Variants in NPAS3 observed in about 807,000 individuals in gnomAD.
NPAS3 encodes neuronal PAS domain protein 3.
Under a neutral mutation model 73.1 loss-of-function variants are expected in NPAS3, and 14 were observed. That is an observed-to-expected ratio of 0.19 (90% CI 0.13 to 0.30). The LOEUF is 0.30. Ranked by LOEUF, NPAS3 falls within the 10% of genes least tolerant of loss-of-function variation. NPAS3 has a pLI of 1.00. For synonymous variants in NPAS3, 620 were observed against 541.5 expected, an observed-to-expected ratio of 1.14 and a Z score of -2.01; for missense variants, 1,096 against 1,250.0, an observed-to-expected ratio of 0.88 and a Z score of 1.86.
chr14:33,293,101 C>G (rs926872853), intron 3 of NPAS3, among the ~76,000 whole-genome samples: 2 of 152,178 alleles, frequency 1.3e-5, no homozygotes, highest in Non-Finnish European at 2.9e-5. Flanking sequence ...GCATCTCTTG[C>G]TGGCCACCTG....
chr14:33,509,057 CTT>C (rs35416014), intron 4 of NPAS3, among the ~76,000 whole-genome samples: 7 of 146,298 alleles, frequency 4.8e-5, no homozygotes, highest in African/African-American at 5.0e-5. Context: ...TATCCAACTA[CTT>C]TTTTTTTTTT....
At chr14:33,079,391 T>C (rs1436152145) in intron 2 of NPAS3, among the ~76,000 whole-genome samples, 1 of 146,260 alleles carries the variant, frequency 6.8e-6, no homozygotes, top group Non-Finnish European at 1.5e-5. Flanking sequence ...TGATCTCGGC[T>C]CACTGCAACC....
chr14:32,978,985 C>T (rs965184689), intron 1 of NPAS3, among the ~76,000 whole-genome samples: 1 of 152,188 alleles, frequency 6.6e-6, no homozygotes, highest in African/African-American at 2.4e-5. Flanking sequence ...TCTGGGACAT[C>T]GTAAGGGCTC....
At chr14:33,262,161 C>T (rs1299721346) in intron 3 of NPAS3, among the ~76,000 whole-genome samples, 1 of 152,198 alleles carries the variant, frequency 6.6e-6, no homozygotes, top group African/African-American at 2.4e-5. Context: ...AGCAGGCATG[C>T]AACCCTGATG....
upstream of NPAS3, among the ~76,000 whole-genome samples, chr14:32,935,261 G>A (rs2035660194): frequency 6.6e-6 from 1 of 152,180 alleles, no homozygotes; most frequent in Non-Finnish European, 1.5e-5. Context: ...CCCGAGTAGC[G>A]GAGGAGTTGC....
intron 7 of NPAS3, among the ~76,000 whole-genome samples, chr14:33,754,083 C>A (rs1044948057): frequency 6.6e-6 from 1 of 152,130 alleles, no homozygotes; most frequent in African/African-American, 2.4e-5. Context: ...GAGAAACATC[C>A]TCTTGGAGGT....
At chr14:33,512,765 T>C (rs1341636478) in intron 4 of NPAS3, among the ~76,000 whole-genome samples, 1 of 152,044 alleles carries the variant, frequency 6.6e-6, no homozygotes, top group Non-Finnish European at 1.5e-5. Context: ...TTCTCGTAGA[T>C]GTGGAACTCT....
Position 32,948,723 on chromosome 14 carries a change from T to G in NPAS3, c.50+9357T>G, listed in dbSNP as rs141866490. ...CCTTGCTTTCTGCCCTGATTTTCTT[T>G]AACTGCAACCTTTGTTTTAATATAG... On this transcript the variant is annotated intron_variant, in intron 1 of 11. Coordinates refer to ENST00000356141, the Ensembl canonical transcript of NPAS3. 3.5e-3 allele frequency among the ~76,000 whole-genome samples: 528 copies of G among 152,258 alleles called. 4 individuals carry two copies. The highest frequency in any genetic ancestry group is 0.012 in the African/African-American group (491 of 41,574).
At chr14:33,502,654 C>T (rs17101349) in intron 4 of NPAS3, among the ~76,000 whole-genome samples, 31,761 of 151,768 alleles carry the variant, frequency 0.21, 4,202 homozygotes, top group East Asian at 0.47. Flanking sequence ...TCTTCTTCAA[C>T]GTAATCTTCT....
intron 2 of NPAS3, among the ~76,000 whole-genome samples, chr14:33,135,439 G>T (rs965001146): frequency 3.9e-5 from 6 of 152,094 alleles, no homozygotes; most frequent in Admixed American, 2.6e-4. Flanking sequence ...TAATGGGAAA[G>T]AAATTTTTAT....
At chr14:33,020,788 T>A (rs2039566283) in intron 1 of NPAS3, among the ~76,000 whole-genome samples, 1 of 151,930 alleles carries the variant, frequency 6.6e-6, no homozygotes, top group Non-Finnish European at 1.5e-5. Context: ...GAGATGGAAT[T>A]TTGCTCTTGT....
intron 2 of NPAS3, among the ~76,000 whole-genome samples, chr14:33,074,731 A>G (rs145271880): frequency 6.6e-6 from 1 of 152,276 alleles, no homozygotes; most frequent in East Asian, 1.9e-4. Context: ...TTTCTTTCTT[A>G]AAGGCAGATC....
intron 4 of NPAS3, among the ~76,000 whole-genome samples, chr14:33,378,977 G>T (rs1018219890): frequency 3.9e-5 from 6 of 152,156 alleles, no homozygotes; most frequent in Non-Finnish European, 7.3e-5. Flanking sequence ...AACTTTTTGA[G>T]CACTGACATG....
chr14:33,035,853 C>T (rs530495912), intron 1 of NPAS3, among the ~76,000 whole-genome samples: 7 of 152,186 alleles, frequency 4.6e-5, no homozygotes, highest in East Asian at 1.9e-4. Context: ...TGGAAGTTGC[C>T]GGTGCTCTTT....
chr14:33,211,392 C>T (rs1194555119), intron 2 of NPAS3, among the ~76,000 whole-genome samples: 3 of 152,030 alleles, frequency 2.0e-5, no homozygotes, highest in East Asian at 1.9e-4. Flanking sequence ...ACCAGCCTGG[C>T]CAACATGAAA....
intron 1 of NPAS3, among the ~76,000 whole-genome samples, chr14:32,964,792 T>G (rs1412732734): frequency 2.7e-5 from 4 of 148,760 alleles, no homozygotes; most frequent in Non-Finnish European, 4.4e-5. Context: ...TTGGGCAACA[T>G]AGCAAGACCC....
chr14:33,675,100 G>T (rs538509532), intron 5 of NPAS3, among the ~76,000 whole-genome samples: 1 of 152,188 alleles, frequency 6.6e-6, no homozygotes, highest in East Asian at 1.9e-4. Flanking sequence ...TGAAGCTCTG[G>T]CAGCTTCCAT....
intron 4 of NPAS3, among the ~76,000 whole-genome samples, chr14:33,490,316 G>C (rs1595013477): frequency 6.6e-6 from 1 of 152,096 alleles, no homozygotes; most frequent in Non-Finnish European, 1.5e-5. Flanking sequence ...CACTTGGAGA[G>C]AAAATTGCTA....
chr14:33,324,582 T>C (rs2043606187), intron 3 of NPAS3, among the ~76,000 whole-genome samples: 1 of 152,206 alleles, frequency 6.6e-6, no homozygotes, highest in Admixed American at 6.5e-5. Context: ...TCTACAGGGA[T>C]TGTGTTGTCA....
Sources: gnomAD v4.1 joint callset for allele counts (sites outside exome capture counted in the v4.1 genomes callset) on GRCh38, gnomAD v4.1.1 for gene constraint, MANE v1.5 for transcripts, NCBI Gene and HGNC (gene_info 2026-07-23, HGNC 2026-07-21) for gene names.